Variants in EEPD1 observed in about 807,000 individuals in gnomAD.
The protein encoded by EEPD1 is endonuclease/exonuclease/phosphatase family domain-containing protein 1.
Under a neutral mutation model 46.3 loss-of-function variants are expected in EEPD1, and 17 were observed. The observed-to-expected ratio is 0.37, with a 90% CI of 0.25 to 0.55. The LOEUF (loss-of-function observed/expected upper bound fraction) is 0.55, where lower values mean the gene tolerates loss of function less well. Among genes scored for constraint, EEPD1 ranks in the 20% least tolerant of loss-of-function variants. The probability of loss-of-function intolerance (pLI) is 0.83; values close to 1 mark genes in which losing one functional copy is unlikely to be tolerated. For missense variants in EEPD1, 673 were observed against 745.6 expected, an observed-to-expected ratio of 0.90 and a Z score of 1.13; for synonymous variants, 313 against 315.6, an observed-to-expected ratio of 0.99 and a Z score of 0.09.
chr7:36,215,503 C>G (rs142779403), intron 2 of EEPD1, among the ~76,000 whole-genome samples: 32 of 152,336 alleles, frequency 2.1e-4, no homozygotes, highest in Non-Finnish European at 4.4e-4. Flanking sequence ...CCCACACATC[C>G]GGAAGCTGAT....
intron 2 of EEPD1, among the ~76,000 whole-genome samples, chr7:36,188,671 A>G (rs1345283625): frequency 6.6e-6 from 1 of 152,222 alleles, no homozygotes; most frequent in Admixed American, 6.5e-5. Context: ...TTGCTTCATC[A>G]AGTAAATAGA....
intron 2 of EEPD1, among the ~76,000 whole-genome samples, chr7:36,155,943 G>A (rs1784817800): frequency 6.6e-6 from 1 of 152,158 alleles, no homozygotes; most frequent in Non-Finnish European, 1.5e-5. Flanking sequence ...ATTTCTGTTA[G>A]CCTCGTCATA....
chr7:36,287,070 C>G (rs1023406671), intron 5 of EEPD1, among the ~76,000 whole-genome samples: 8 of 151,494 alleles, frequency 5.3e-5, no homozygotes, highest in African/African-American at 1.9e-4. Flanking sequence ...GGTGAAGTCT[C>G]TACTAAAAAT....
In EEPD1 at chr7:36,154,224, T is replaced by G. The variant is rs531619826; in HGVS notation, c.-101T>G. ...CTCTTCAGTCCCTGAATCCTGCACC[T>G]TCCGTTTTTCTGTGCTTGTACGGCC... On this transcript the variant is annotated 5_prime_UTR_variant, in exon 2 of 8. Coordinates refer to ENST00000242108, the MANE Select transcript of EEPD1 (RefSeq NM_030636.3). The surrounding 1 kb of genome is among the most constrained non-coding windows in gnomAD (Gnocchi z 4.2). The G allele has an allele frequency of 9.7e-5, 137 of 1,405,722 alleles. No homozygotes were observed. The African/African-American group carries it at 1.9e-3, about 19-fold the overall frequency. The allele number at this position is 1,405,722 out of a possible 1,614,324, so 87.1% of individuals were successfully genotyped here. A position where few individuals can be genotyped will look rare whatever the true frequency, so the allele number is the denominator to read the frequency against.
At chr7:36,264,707 T>C (rs1786985041) in intron 3 of EEPD1, among the ~76,000 whole-genome samples, 1 of 152,204 alleles carries the variant, frequency 6.6e-6, no homozygotes, top group Non-Finnish European at 1.5e-5. Context: ...CCTGTGAAAC[T>C]AGCACCAAAC....
chr7:36,277,267 C>T (rs1177427120), intron 3 of EEPD1, among the ~76,000 whole-genome samples: 1 of 152,228 alleles, frequency 6.6e-6, no homozygotes, highest in African/African-American at 2.4e-5. Context: ...AACTGTGTAA[C>T]CTTGAATTTG....
intron 3 of EEPD1, among the ~76,000 whole-genome samples, chr7:36,272,671 ATAAT>A (rs1276083306): frequency 6.6e-6 from 1 of 152,146 alleles, no homozygotes; most frequent in African/African-American, 2.4e-5. Context: ...AAAGCAGCTA[ATAAT>A]TAGCTGGTGG....
At chr7:36,289,649 C>T (rs1583480577) in intron 6 of EEPD1, among the ~76,000 whole-genome samples, 1 of 152,238 alleles carries the variant, frequency 6.6e-6, no homozygotes, top group African/African-American at 2.4e-5. Context: ...CGCCCGCCAC[C>T]GCGCCTGGCT....
intron 2 of EEPD1, among the ~76,000 whole-genome samples, chr7:36,176,396 G>A (rs1376871949): frequency 6.6e-6 from 1 of 152,172 alleles, no homozygotes; most frequent in African/African-American, 2.4e-5. Context: ...CTACCCCTGA[G>A]CCTCATTTTA....
chr7:36,156,680 A>G (rs2726056), intron 2 of EEPD1, among the ~76,000 whole-genome samples: 49,464 of 151,986 alleles, frequency 0.33, 8,868 homozygotes, highest in Middle Eastern at 0.43. Context: ...GCCCCTGCCT[A>G]TTTATTATGT....
chr7:36,215,258 C>T (rs1226859622), intron 2 of EEPD1, among the ~76,000 whole-genome samples: 1 of 152,236 alleles, frequency 6.6e-6, no homozygotes, highest in Non-Finnish European at 1.5e-5. Context: ...GGGCAGTAGG[C>T]GCCTTGGCGC....
rs1784784113 is a variant in EEPD1, at chr7:36,154,561, C to T, written c.237C>T (p.Asp79=). 1.2e-6 allele frequency: 2 copies of T among 1,614,010 alleles called. No homozygotes were observed. Among genetic ancestry groups the T allele is most frequent in the South Asian group, 2.2e-5 (2 of 91,084 alleles). Residue 79 remains aspartate (D), a synonymous_variant, in exon 2 of 8, where the codon GAC becomes GAT. Coordinates refer to ENST00000242108, the MANE Select transcript of EEPD1 (RefSeq NM_030636.3). The surrounding 1 kb of genome is among the most constrained non-coding windows in gnomAD (Gnocchi z 4.2). ...EYIGGFKKVE[D]LALVSGVGAT... is the part of the protein sequence containing the mutation. ...TCGGTGGCTTCAAGAAGGTGGAGGA[C>T]CTGGCATTGGTCAGTGGTGTAGGCG...
chr7:36,215,193 C>T lies in EEPD1; in HGVS notation c.879-23792C>T, dbSNP rs903159090. On this transcript the variant is annotated intron_variant, in intron 2 of 7. Transcript: ENST00000242108. ...TGCTTAACGATAACCAGACACGAGC[C>T]GAGCCCACCCGCTGCTGCCCTCCCT... Among the ~76,000 whole-genome samples the T allele has an allele frequency of 5.3e-5, 8 of 151,232 alleles. No homozygotes were observed. In the East Asian group the frequency reaches 5.8e-4, roughly 11 times the overall value.
Position 36,193,201 on chromosome 7 carries a change from G to A in EEPD1, c.878+37999G>A, listed in dbSNP as rs1785512179. On this transcript the variant is annotated intron_variant, in intron 2 of 7. Transcript: ENST00000242108. The surrounding 1 kb of genome is among the most constrained non-coding windows in gnomAD (Gnocchi z 4.9). ...TGCTCACCACATCTTGGGGTGAGTGGGATGGCAGGGAAGGGTCCCAGAAGA... is the reference window on the plus strand; with the variant it reads ...TGCTCACCACATCTTGGGGTGAGTGAGATGGCAGGGAAGGGTCCCAGAAGA... Among the ~76,000 whole-genome samples the A allele has an allele frequency of 6.6e-6, 1 of 152,198 alleles. No homozygotes were observed. The highest frequency in any genetic ancestry group is 1.5e-5 in the Non-Finnish European group (1 of 68,044).
At chr7:36,197,595 T>G (rs990496362) in intron 2 of EEPD1, among the ~76,000 whole-genome samples, 1 of 152,266 alleles carries the variant, frequency 6.6e-6, no homozygotes, top group African/African-American at 2.4e-5. Flanking sequence ...CTTGGGATCC[T>G]ATTGATCTAT....
At chr7:36,251,128 T>C (rs1786731138) in intron 3 of EEPD1, among the ~76,000 whole-genome samples, 1 of 152,228 alleles carries the variant, frequency 6.6e-6, no homozygotes, top group Admixed American at 6.5e-5. Context: ...AGGAATTATC[T>C]GGTTTATAGA....
chr7:36,156,520 C>A (rs1259291626), intron 2 of EEPD1, among the ~76,000 whole-genome samples: 23 of 152,134 alleles, frequency 1.5e-4, no homozygotes, highest in Admixed American at 1.5e-3. Context: ...TTATCCATAG[C>A]AGCATGGGCG....
chr7:36,155,087 A>G lies in EEPD1; in HGVS notation c.763A>G (p.Arg255Gly), dbSNP rs1460275649. 2 of 1,584,444 alleles carry G rather than the reference A, an allele frequency of 1.3e-6. No individual in the cohort carries two copies. Among genetic ancestry groups the G allele is most frequent in the African/African-American group, 1.3e-5 (1 of 74,250 alleles). ...RPSVEAFGGT[R>G]DGRPVLRLAT... Reference sequence around the variant, plus strand: ...GTCCGTGGAGGCCTTTGGAGGCACAAGGGATGGGAGGCCTGTGCTGAGGCT... The same window carrying G: ...GTCCGTGGAGGCCTTTGGAGGCACAGGGGATGGGAGGCCTGTGCTGAGGCT... The change falls in exon 2 of 8, where the codon AGG (arginine) becomes GGG (glycine). Residue 255 changes from arginine (R) to glycine (G), a missense_variant. Arg to Gly is a moderately radical substitution (Grantham distance 125, BLOSUM62 -2). Coordinates refer to ENST00000242108, the MANE Select transcript of EEPD1 (RefSeq NM_030636.3).
In EEPD1 at chr7:36,189,558, C is replaced by G. The variant is rs111430091; in HGVS notation, c.878+34356C>G. On this transcript the variant is annotated intron_variant, in intron 2 of 7. Coordinates refer to ENST00000242108, the MANE Select transcript of EEPD1 (RefSeq NM_030636.3). Reference sequence around the variant, plus strand: ...TTGTTGAATACCAGAATCTTGAAATCTGATCAGTAAGGGGTTTTTGTTGGG... The same window carrying G: ...TTGTTGAATACCAGAATCTTGAAATGTGATCAGTAAGGGGTTTTTGTTGGG... 6.8e-3 allele frequency among the ~76,000 whole-genome samples: 1,037 copies of G among 152,262 alleles called. 13 individuals carry two copies. The highest frequency in any genetic ancestry group is 0.023 in the African/African-American group (968 of 41,542).
Sources: allele counts gnomAD v4.1 joint callset (sites outside exome capture counted in the v4.1 genomes callset), GRCh38; gene constraint gnomAD v4.1.1; non-coding constraint Gnocchi (gnomAD v3.1); transcripts MANE v1.5; gene names NCBI Gene and HGNC (gene_info 2026-07-23, HGNC 2026-07-21).